TNR: variants seen among roughly 807,000 people sequenced by gnomAD.
TNR encodes tenascin-R.
Under a neutral mutation model 150.4 loss-of-function variants are expected in TNR, and 45 were observed. The observed-to-expected ratio is 0.30, with a 90% CI of 0.24 to 0.38. TNR has a LOEUF of 0.38. TNR is among the 10% of genes least tolerant of loss of function. TNR has a pLI of 1.00. For missense variants in TNR, 1,544 were observed against 1,759.1 expected (o/e 0.88, Z 2.19); for synonymous variants, 687 against 678.4 (o/e 1.01, Z -0.20).
At chr1:175,578,224 G>C (rs1662200482) in intron 1 of TNR, among the ~76,000 whole-genome samples, 1 of 152,102 alleles carries the variant, frequency 6.6e-6, no homozygotes, top group South Asian at 2.1e-4. Context: ...GGGCAGGCCT[G>C]CCGGGGGAAA....
At chr1:175,546,086 G>A (rs1385842664) in intron 1 of TNR, among the ~76,000 whole-genome samples, 1 of 152,104 alleles carries the variant, frequency 6.6e-6, no homozygotes, top group African/African-American at 2.4e-5. Flanking sequence ...GACTGGAGTT[G>A]GAATGTGAGA....
intron 2 of TNR, among the ~76,000 whole-genome samples, chr1:175,429,275 A>C (rs1455015388): frequency 1.3e-5 from 2 of 152,204 alleles, no homozygotes; most frequent in East Asian, 3.8e-4. Flanking sequence ...ATAGATATAG[A>C]TGTATATGTA....
Position 175,365,956 on chromosome 1 carries a change from G to T in TNR, c.2236C>A (p.Pro746Thr). ...RTSYTLTDLE[P>T]GAEYIISVTA... is the part of the protein sequence containing the mutation. Reference sequence around the variant, plus strand: ...ACGGAAATGATGTACTCTGCCCCAGGCTCTAGATCTGTTAGTGTGTATGAG... The same window carrying T: ...ACGGAAATGATGTACTCTGCCCCAGTCTCTAGATCTGTTAGTGTGTATGAG... Residue 746 changes from proline (P) to threonine (T), a missense_variant, in exon 11 of 23, where the codon CCT (proline) becomes ACT (threonine). Pro to Thr is a conservative substitution (Grantham distance 38). Coordinates refer to ENST00000367674, the MANE Select transcript of TNR (RefSeq NM_003285.3). 6.2e-7 allele frequency: 1 copy of T among 1,614,130 alleles called. No homozygotes were observed. Among genetic ancestry groups the T allele is most frequent in the African/African-American group, 1.3e-5 (1 of 75,032 alleles).
intron 4 of TNR, among the ~76,000 whole-genome samples, chr1:175,400,074 T>A (rs1356821353): frequency 1.3e-5 from 2 of 152,198 alleles, no homozygotes; most frequent in African/African-American, 4.8e-5. Flanking sequence ...CGGGGGAGTT[T>A]TGGCCAGCTC....
chr1:175,523,341 A>C (rs763900626), intron 2 of TNR, among the ~76,000 whole-genome samples: 83 of 152,256 alleles, frequency 5.5e-4, no homozygotes, highest in Non-Finnish European at 7.1e-4. Flanking sequence ...AATGATGAGC[A>C]CTTATACATG....
intron 2 of TNR, among the ~76,000 whole-genome samples, chr1:175,509,669 A>G (rs1018487644): frequency 1.3e-5 from 2 of 152,212 alleles, no homozygotes; most frequent in African/African-American, 4.8e-5. Flanking sequence ...AGTCAACTCA[A>G]TAATAACTTG....
chr1:175,564,409 G>GATTT (rs1558008649), intron 1 of TNR, among the ~76,000 whole-genome samples: 6 of 152,132 alleles, frequency 3.9e-5, no homozygotes, highest in Non-Finnish European at 8.8e-5. Flanking sequence ...GAAATCCCTC[G>GATTT]TCAAGAGCCT....
chr1:175,536,776 G>A (rs1215150583), intron 1 of TNR, among the ~76,000 whole-genome samples: 2 of 152,176 alleles, frequency 1.3e-5, no homozygotes, highest in Non-Finnish European at 2.9e-5. Flanking sequence ...CAAAGGAAGT[G>A]GAATTAAGGA....
intron 1 of TNR, among the ~76,000 whole-genome samples, chr1:175,582,005 A>G (rs1297165012): frequency 1.3e-5 from 2 of 152,184 alleles, no homozygotes; most frequent in Non-Finnish European, 2.9e-5. Flanking sequence ...GATTCATCAA[A>G]AGGATGCTTC....
chr1:175,460,693 T>C (rs899196431), intron 2 of TNR, among the ~76,000 whole-genome samples: 6 of 152,214 alleles, frequency 3.9e-5, no homozygotes, highest in African/African-American at 1.4e-4. Flanking sequence ...CTGAAAAGTT[T>C]AGTAACTTGT....
chr1:175,426,506 C>T (rs373582329), intron 2 of TNR, among the ~76,000 whole-genome samples: 33 of 152,148 alleles, frequency 2.2e-4, no homozygotes, highest in Non-Finnish European at 3.4e-4. Context: ...AAAGTTTCCA[C>T]GGGCAGAACT....
intron 2 of TNR, among the ~76,000 whole-genome samples, chr1:175,512,081 T>A (rs1208880989): frequency 1.3e-5 from 2 of 152,116 alleles, no homozygotes; most frequent in East Asian, 3.9e-4. Context: ...ATTAAAAAAA[T>A]TCCAACATAA....
At chr1:175,534,033 G>A (rs1319655390) in intron 1 of TNR, among the ~76,000 whole-genome samples, 1 of 152,186 alleles carries the variant, frequency 6.6e-6, no homozygotes, top group African/African-American at 2.4e-5. Flanking sequence ...GAGAAGAGAG[G>A]AGCTTTTTAA....
rs921380104 is a variant in TNR at position 175,602,450 on chromosome 1, G to A, written c.-164-74081C>T. Among the ~76,000 whole-genome samples the A allele has an allele frequency of 3.9e-5, 6 of 152,180 alleles. No individual in the cohort carries two copies. In the East Asian group the frequency reaches 7.7e-4, roughly 20 times the overall value. ...TGCAAGTTCAGGACTACTACACCGT[G>A]AGAACAGCTGGTCTGACTAACATCA... On this transcript the variant is annotated intron_variant, in intron 1 of 22. Transcript: ENST00000367674.
chr1:175,468,994 A>C (rs1657157392), intron 2 of TNR, among the ~76,000 whole-genome samples: 14 of 152,074 alleles, frequency 9.2e-5, no homozygotes, highest in Admixed American at 9.2e-4. Flanking sequence ...GATATTTAGG[A>C]AGTAAAATGA....
In TNR at chr1:175,417,075, G is replaced by GAAAGAAAGAAAGAAAGAAATAAAT. The variant is rs754333098; in HGVS notation, c.-63-10299_-63-10298insATTTATTTCTTTCTTTCTTTCTTT. On this transcript the variant is annotated intron_variant, in intron 2 of 22. Transcript: ENST00000367674. The stretch of plus-strand genomic sequence containing the variant: ...AGAAAGAAAGAAAGAAAGAAAGAAA[G>GAAAGAAAGAAAGAAAGAAATAAAT]AAATCTAAGAAGTGGTCTCTTCCCT... 4.6e-3 allele frequency among the ~76,000 whole-genome samples: 628 copies of GAAAGAAAGAAAGAAAGAAATAAAT among 137,968 alleles called. 4 individuals are homozygous for GAAAGAAAGAAAGAAAGAAATAAAT. The highest frequency in any genetic ancestry group is 0.017 in the East Asian group (71 of 4,276). The allele number at this position is 137,968 out of a possible 152,430, so 90.5% of individuals were successfully genotyped here. A position where few individuals can be genotyped will look rare whatever the true frequency, so the allele number is the denominator to read the frequency against.
At chr1:175,500,023 C>T (rs1392146764) in intron 2 of TNR, among the ~76,000 whole-genome samples, 1 of 152,226 alleles carries the variant, frequency 6.6e-6, no homozygotes, top group East Asian at 1.9e-4. Flanking sequence ...CCTCATGTCT[C>T]TCCTGCCCCC....
At chr1:175,740,304 A>G (rs1277803668) in intron 1 of TNR, among the ~76,000 whole-genome samples, 1 of 152,220 alleles carries the variant, frequency 6.6e-6, no homozygotes, top group Non-Finnish European at 1.5e-5. Flanking sequence ...GAGAGGGAGA[A>G]ATTGGAAAGA....
intron 9 of TNR, among the ~76,000 whole-genome samples, chr1:175,379,179 CAAAAAAAAA>C (rs148710947): frequency 5.2e-5 from 6 of 114,790 alleles, no homozygotes; most frequent in Admixed American, 8.9e-5. Flanking sequence ...AACTCCGTCT[CAAAAAAAAA>C]AAAAAAAAAA....
Sources: gnomAD v4.1 joint callset for allele counts (sites outside exome capture counted in the v4.1 genomes callset) on GRCh38, gnomAD v4.1.1 for gene constraint, MANE v1.5 for transcripts, NCBI Gene and HGNC (gene_info 2026-07-23, HGNC 2026-07-21) for gene names.